ITGA1: variants seen among roughly 807,000 people sequenced by gnomAD.
ITGA1 encodes integrin alpha-1.
In ITGA1, 85 loss-of-function variants were observed where a neutral mutation model predicts 145.9. That is an observed-to-expected ratio of 0.58 (90% CI 0.49 to 0.70). ITGA1 has a LOEUF of 0.70. ITGA1 is among the 30% of genes least tolerant of loss of function. ITGA1 has a pLI of 0.00. For missense variants in ITGA1, 1,351 were observed against 1,418.7 expected, an observed-to-expected ratio of 0.95 and a Z score of 0.77; for synonymous variants, 520 against 495.3, an observed-to-expected ratio of 1.05 and a Z score of -0.66.
At chr5:52,888,794 AC>A (rs1172781405) in intron 8 of ITGA1, among the ~76,000 whole-genome samples, 3 of 152,170 alleles carry the variant, frequency 2.0e-5, no homozygotes, top group Non-Finnish European at 4.4e-5. Context: ...GCTTCATGGA[AC>A]AGCAGGTGAG....
chr5:52,930,991 A>G (rs904856005), intron 21 of ITGA1, among the ~76,000 whole-genome samples: 5 of 152,160 alleles, frequency 3.3e-5, no homozygotes, highest in African/African-American at 9.7e-5. Flanking sequence ...GGGACCATTC[A>G]TGCTAAGAGC....
intron 1 of ITGA1, among the ~76,000 whole-genome samples, chr5:52,811,014 C>T (rs143215388): frequency 9.2e-5 from 14 of 152,250 alleles, no homozygotes; most frequent in South Asian, 4.1e-4. Context: ...AATAAAGTAG[C>T]GCAACCAGCT....
At chr5:52,897,057 GAGTTT>G (rs1259624395) in intron 9 of ITGA1, among the ~76,000 whole-genome samples, 1 of 152,078 alleles carries the variant, frequency 6.6e-6, no homozygotes, top group Non-Finnish European at 1.5e-5. Context: ...CATATTAAGG[GAGTTT>G]AGCCTAAGGG....
intron 23 of ITGA1, among the ~76,000 whole-genome samples, chr5:52,935,912 C>T (rs1750960029): frequency 6.8e-6 from 1 of 146,460 alleles, no homozygotes; most frequent in African/African-American, 2.5e-5. Flanking sequence ...CTACAAGGAA[C>T]ATTTTTTAAT....
intron 23 of ITGA1, among the ~76,000 whole-genome samples, chr5:52,937,114 C>T (rs368617153): frequency 1.3e-5 from 2 of 150,578 alleles, no homozygotes; most frequent in South Asian, 2.1e-4. Flanking sequence ...CAGACAAAAA[C>T]TTCCAATTCT....
chr5:52,803,823 T>C (rs1364753116), intron 1 of ITGA1: 1 of 152,164 alleles, frequency 6.6e-6, no homozygotes, highest in Non-Finnish European at 1.5e-5. Context: ...CATCTCTAGA[T>C]GATTCCTGTG....
At chr5:52,853,741 C>G (rs1297708468) in intron 2 of ITGA1, among the ~76,000 whole-genome samples, 4 of 152,216 alleles carry the variant, frequency 2.6e-5, no homozygotes, top group Non-Finnish European at 5.9e-5. Context: ...CATCATACAT[C>G]TGATTAAGAT....
At chr5:52,891,555 T>TA (rs56185635) in intron 8 of ITGA1, among the ~76,000 whole-genome samples, 2,321 of 118,638 alleles carry the variant, frequency 0.02, 43 homozygotes, top group African/African-American at 0.052. Context: ...TCATGAACAC[T>TA]AAAAAAAAAA....
intron 1 of ITGA1, among the ~76,000 whole-genome samples, chr5:52,843,580 C>T (rs1749289159): frequency 6.6e-6 from 1 of 152,196 alleles, no homozygotes; most frequent in Non-Finnish European, 1.5e-5. Context: ...TTCCTTCAAT[C>T]TGTCAACAGC....
intron 11 of ITGA1, among the ~76,000 whole-genome samples, chr5:52,900,306 T>C (rs1750294492): frequency 6.6e-6 from 1 of 152,184 alleles, no homozygotes; most frequent in Non-Finnish European, 1.5e-5. Context: ...TATCTTCCTA[T>C]ATAATGGATG....
rs116057493 is a variant in ITGA1 at position 52,854,303 on chromosome 5, T to A, written c.182+4818T>A. 3.0e-3 allele frequency among the ~76,000 whole-genome samples: 463 copies of A among 152,296 alleles called. 1 individual carries two copies. The highest frequency in any genetic ancestry group is 0.01 in the African/African-American group (421 of 41,560). On this transcript the variant is annotated intron_variant, in intron 2 of 28. Coordinates refer to ENST00000282588, the MANE Select transcript of ITGA1 (RefSeq NM_181501.2). ...CTGCTAATGTAGAGCTATTCCAGAC[T>A]GGGGAGGAGAGACATTTTAAGGGTT...
chr5:52,797,055 T>A (rs1303876113), intron 1 of ITGA1, among the ~76,000 whole-genome samples: 2 of 152,076 alleles, frequency 1.3e-5, no homozygotes, highest in Non-Finnish European at 2.9e-5. Context: ...TAGACGTTAA[T>A]TCATAGGGAA....
intron 1 of ITGA1, among the ~76,000 whole-genome samples, chr5:52,835,481 T>C (rs2432143): frequency 0.11 from 16,479 of 152,168 alleles, 948 homozygotes; most frequent in East Asian, 0.18. Context: ...AGAAGTTCGA[T>C]TGAGAATACA....
chr5:52,853,759 T>G (rs1561227708), intron 2 of ITGA1, among the ~76,000 whole-genome samples: 1 of 152,334 alleles, frequency 6.6e-6, no homozygotes, highest in East Asian at 1.9e-4. Flanking sequence ...GATCAGCTGT[T>G]GTTCATTATG....
intron 6 of ITGA1, among the ~76,000 whole-genome samples, chr5:52,870,267 A>T (rs1158154): frequency 0.037 from 5,574 of 152,300 alleles, 316 homozygotes; most frequent in African/African-American, 0.12. Context: ...GGCAGAATTA[A>T]CTTCTGGAAT....
intron 20 of ITGA1, among the ~76,000 whole-genome samples, chr5:52,928,104 AT>A (rs761451225): frequency 1.3e-4 from 20 of 152,126 alleles, no homozygotes; most frequent in Non-Finnish European, 2.5e-4. Context: ...TATTTCTGTT[AT>A]TTATAAAATG....
At chr5:52,856,770 A>C (rs1208525179) in intron 2 of ITGA1, among the ~76,000 whole-genome samples, 1 of 152,164 alleles carries the variant, frequency 6.6e-6, no homozygotes, top group Non-Finnish European at 1.5e-5. Flanking sequence ...ATTGCTGCAT[A>C]ATAAGTCATT....
At chr5:52,906,872 C>T (rs186438758) in intron 12 of ITGA1, among the ~76,000 whole-genome samples, 2 of 152,270 alleles carry the variant, frequency 1.3e-5, no homozygotes, top group African/African-American at 4.8e-5. Flanking sequence ...TCACATTAGG[C>T]AGGTCCACAA....
chr5:52,822,395 C>T (rs1748893093), intron 1 of ITGA1, among the ~76,000 whole-genome samples: 1 of 152,208 alleles, frequency 6.6e-6, no homozygotes. Flanking sequence ...ACTCAGTCCT[C>T]ATCCAACCAG....
Sources: allele counts gnomAD v4.1 joint callset (sites outside exome capture counted in the v4.1 genomes callset), GRCh38; gene constraint gnomAD v4.1.1; transcripts MANE v1.5; gene names NCBI Gene and HGNC (gene_info 2026-07-23, HGNC 2026-07-21).